ESRRB: variants seen among roughly 807,000 people sequenced by gnomAD.
The protein encoded by ESRRB is estrogen related receptor beta.
In ESRRB, 16 loss-of-function variants were observed where a neutral mutation model predicts 46.0. That is an observed-to-expected ratio of 0.35 (90% CI 0.24 to 0.53). The LOEUF (loss-of-function observed/expected upper bound fraction) is 0.53. ESRRB is among the 20% of genes least tolerant of loss of function. The probability of loss-of-function intolerance (pLI) is 0.93; values close to 1 mark genes in which losing one functional copy is unlikely to be tolerated. For missense variants in ESRRB, 488 were observed against 607.4 expected (o/e 0.80, Z 2.07); for synonymous variants, 246 against 259.6 (o/e 0.95, Z 0.50).
intron 1 of ESRRB, among the ~76,000 whole-genome samples, chr14:76,324,639 C>T (rs1468119903): frequency 6.6e-6 from 1 of 152,220 alleles, no homozygotes; most frequent in Non-Finnish European, 1.5e-5. Flanking sequence ...GACAGGGATT[C>T]TGAAGACCAT....
At chr14:76,389,314 T>G (rs1434776441) in intron 1 of ESRRB, among the ~76,000 whole-genome samples, 1 of 152,192 alleles carries the variant, frequency 6.6e-6, no homozygotes, top group East Asian at 1.9e-4. Flanking sequence ...CCCTGACTGG[T>G]TTACAATCTG....
At chr14:76,324,737 C>T (rs910404066) in intron 1 of ESRRB, among the ~76,000 whole-genome samples, 22 of 152,172 alleles carry the variant, frequency 1.4e-4, no homozygotes, top group African/African-American at 5.3e-4. Flanking sequence ...CTCACTGCCA[C>T]ATACGTACGC....
chr14:76,351,069 G>A (rs546309147), intron 1 of ESRRB, among the ~76,000 whole-genome samples: 17 of 152,274 alleles, frequency 1.1e-4, no homozygotes, highest in East Asian at 7.7e-4. Flanking sequence ...CATTGAGGCC[G>A]GTGAGCTTTG....
upstream of ESRRB, among the ~76,000 whole-genome samples, chr14:76,372,463 G>A (rs577488044): frequency 2.9e-4 from 44 of 152,034 alleles, no homozygotes; most frequent in Non-Finnish European, 1.5e-4. Context: ...TGTGTGGAGC[G>A]TGTTGTATTG....
intron 2 of ESRRB, among the ~76,000 whole-genome samples, chr14:76,452,066 C>T (rs950732873): frequency 3.3e-5 from 5 of 151,674 alleles, no homozygotes; most frequent in African/African-American, 7.3e-5. Flanking sequence ...CTCAGCCTCC[C>T]GAGTAGCTGG....
intron 1 of ESRRB, among the ~76,000 whole-genome samples, chr14:76,425,915 G>A (rs1404850416): frequency 6.6e-6 from 1 of 152,052 alleles, no homozygotes; most frequent in Admixed American, 6.5e-5. Context: ...GCCTCCCAAA[G>A]TGCTGGGATT....
intron 1 of ESRRB, among the ~76,000 whole-genome samples, chr14:76,420,035 T>TTGGTCTCA (rs1248548354): frequency 1.3e-5 from 2 of 152,230 alleles, no homozygotes; most frequent in East Asian, 3.8e-4. Context: ...ACACACCATA[T>TTGGTCTCA]TGGTCTCAGG....
intron 1 of ESRRB, among the ~76,000 whole-genome samples, chr14:76,337,043 T>C (rs1397450763): frequency 6.6e-6 from 1 of 151,404 alleles, no homozygotes; most frequent in African/African-American, 2.4e-5. Context: ...AAGCAGAGGG[T>C]ACATGTAGCA....
rs1890514907 is a variant in ESRRB at position 76,498,342 on chromosome 14, C to T, written c.1249C>T (p.Leu417=). 1.2e-6 allele frequency: 2 copies of T among 1,611,876 alleles called. No individual in the cohort carries two copies. Among genetic ancestry groups the T allele is most frequent in the Non-Finnish European group, 1.7e-6 (2 of 1,179,556 alleles). The part of the protein sequence containing the change: ...PWRTGKLLLT[L]PLLRQTAAKA... ...GAGGACGGGCAAGCTGCTGCTGACA[C>T]TGCCGCTGCTGCGGCAGACGGCCGC... The change falls in exon 7 of 7, where the codon CTG becomes TTG. Residue 417 remains leucine, a synonymous_variant. Coordinates refer to ENST00000644823, the MANE Select transcript of ESRRB (RefSeq NM_001379180.1).
intron 5 of ESRRB, among the ~76,000 whole-genome samples, chr14:76,485,641 G>T (rs925071675): frequency 6.6e-6 from 1 of 151,154 alleles, no homozygotes. Flanking sequence ...GAGAGAGAGA[G>T]AGAGAGAGAG....
intron 1 of ESRRB, among the ~76,000 whole-genome samples, chr14:76,401,657 A>G (rs904133852): frequency 1.1e-4 from 17 of 152,222 alleles, no homozygotes; most frequent in African/African-American, 4.1e-4. Flanking sequence ...TATTTAGTAC[A>G]GTAACATGCT....
chr14:76,312,169 T>C (rs568847172), intron 1 of ESRRB, among the ~76,000 whole-genome samples: 70 of 152,112 alleles, frequency 4.6e-4, no homozygotes, highest in Non-Finnish European at 8.8e-4. Context: ...TTTAAAAGCA[T>C]TAAACAAAGC....
intron 1 of ESRRB, among the ~76,000 whole-genome samples, chr14:76,351,112 C>T (rs1595052034): frequency 6.6e-6 from 1 of 152,200 alleles, no homozygotes; most frequent in Non-Finnish European, 1.5e-5. Flanking sequence ...TCCCCCAACC[C>T]TGGCCACTGT....
chr14:76,343,141 CA>C (rs1247989220), intron 1 of ESRRB, among the ~76,000 whole-genome samples: 3 of 152,168 alleles, frequency 2.0e-5, no homozygotes, highest in Non-Finnish European at 4.4e-5. Flanking sequence ...ACAGTGGATA[CA>C]AAAGTCCGGG....
chr14:76,421,763 C>G (rs567818117), intron 1 of ESRRB, among the ~76,000 whole-genome samples: 36 of 152,260 alleles, frequency 2.4e-4, no homozygotes, highest in African/African-American at 7.2e-4. Flanking sequence ...CCACAGCTGC[C>G]CCTCCAGTCC....
In ESRRB at chr14:76,439,583, A is replaced by T. The variant is rs1168237278; in HGVS notation, c.293A>T (p.Glu98Val). Residue 98 changes from glutamate (E) to valine (V), a missense_variant, in exon 2 of 7, where the codon GAG (glutamate) becomes GTG (valine). Coordinates refer to ENST00000644823, the MANE Select transcript of ESRRB (RefSeq NM_001379180.1). ...LGGTPCRKSY[E>V]DCASGIMEDS... is the part of the protein sequence containing the mutation. Reference sequence around the variant, plus strand: ...GGCACCCCATGCCGCAAGAGCTACGAGGACTGTGCCAGCGGCATCATGGAG... The same window carrying T: ...GGCACCCCATGCCGCAAGAGCTACGTGGACTGTGCCAGCGGCATCATGGAG... 1 of 1,614,192 alleles carries T rather than the reference A, an allele frequency of 6.2e-7. No individual in the cohort carries two copies. Among genetic ancestry groups the T allele is most frequent in the South Asian group, 1.1e-5 (1 of 91,090 alleles).
chr14:76,470,633 A>G (rs1400901766), intron 3 of ESRRB, among the ~76,000 whole-genome samples: 1 of 152,234 alleles, frequency 6.6e-6, no homozygotes, highest in Non-Finnish European at 1.5e-5. Context: ...TGGTATGGAA[A>G]AAGGGAATGA....
At chr14:76,409,323 T>C (rs1425272271) in intron 1 of ESRRB, among the ~76,000 whole-genome samples, 2 of 152,156 alleles carry the variant, frequency 1.3e-5, no homozygotes, top group East Asian at 3.9e-4. Flanking sequence ...GCAGCCTAAA[T>C]GGGAAGGAGT....
chr14:76,333,061 A>T (rs1291313152), intron 1 of ESRRB, among the ~76,000 whole-genome samples: 7 of 9,340 alleles, frequency 7.5e-4, no homozygotes, highest in Non-Finnish European at 1.4e-3. Flanking sequence ...TATATATTAT[A>T]TATTATATAT....
Sources: allele counts gnomAD v4.1 joint callset (sites outside exome capture counted in the v4.1 genomes callset), GRCh38; gene constraint gnomAD v4.1.1; transcripts MANE v1.5; gene names NCBI Gene and HGNC (gene_info 2026-07-23, HGNC 2026-07-21).